The following PCSK5 variants were observed in gnomAD, a reference collection of about 807,000 sequenced individuals.
PCSK5 encodes the protein proprotein convertase subtilisin/kexin type 5, also known as prohormone convertase 5.
In PCSK5, 129 loss-of-function variants were observed where a neutral mutation model predicts 233.2. The observed-to-expected ratio is 0.55, with a 90% CI of 0.48 to 0.64. PCSK5 has a LOEUF of 0.64. PCSK5 is among the 30% of genes least tolerant of loss of function. The pLI is 0.00. For synonymous variants in PCSK5, 825 were observed against 879.2 expected (o/e 0.94, Z 1.09); for missense variants, 2,076 against 2,430.1 (o/e 0.85, Z 3.06).
At chr9:75,901,980 C>T (rs890836477) in intron 1 of PCSK5, among the ~76,000 whole-genome samples, 1 of 152,024 alleles carries the variant, frequency 6.6e-6, no homozygotes, top group Non-Finnish European at 1.5e-5. Context: ...CTTTGGGAGG[C>T]CAAGGCGGGC....
At chr9:76,341,539 C>T (rs1829836280) in intron 35 of PCSK5, among the ~76,000 whole-genome samples, 1 of 152,104 alleles carries the variant, frequency 6.6e-6, no homozygotes, top group African/African-American at 2.4e-5. Flanking sequence ...AGCAATCCTC[C>T]CATCTTGGCC....
intron 9 of PCSK5, among the ~76,000 whole-genome samples, chr9:76,131,812 TTTC>T (rs1302210863): frequency 3.3e-5 from 5 of 152,142 alleles, no homozygotes; most frequent in Non-Finnish European, 7.4e-5. Context: ...ATTGACTTCT[TTTC>T]TTTTTTTCTC....
At chr9:75,955,645 CT>C (rs145901547) in intron 2 of PCSK5, among the ~76,000 whole-genome samples, 19,859 of 146,974 alleles carry the variant, frequency 0.14, 1,365 homozygotes, top group East Asian at 0.27. Context: ...TGTTTCTCAG[CT>C]TTTTTTTTTG....
intron 3 of PCSK5, among the ~76,000 whole-genome samples, chr9:75,990,011 G>A (rs890408420): frequency 1.3e-5 from 2 of 152,120 alleles, no homozygotes; most frequent in Non-Finnish European, 1.5e-5. Flanking sequence ...AATCATAATT[G>A]TTGTTATTCT....
At chr9:75,956,399 A>G (rs765877234) in intron 2 of PCSK5, among the ~76,000 whole-genome samples, 4 of 152,202 alleles carry the variant, frequency 2.6e-5, no homozygotes, top group Admixed American at 6.5e-5. Flanking sequence ...GGGCAGGTCA[A>G]CTACTAAACT....
intron 2 of PCSK5, among the ~76,000 whole-genome samples, chr9:75,934,855 G>T (rs1050563855): frequency 2.0e-5 from 3 of 152,030 alleles, no homozygotes; most frequent in African/African-American, 7.2e-5. Context: ...AAAGTGCTGG[G>T]ATTACAGCTG....
At chr9:76,104,209 C>A (rs1831884144) in intron 8 of PCSK5, among the ~76,000 whole-genome samples, 1 of 152,166 alleles carries the variant, frequency 6.6e-6, no homozygotes, top group Non-Finnish European at 1.5e-5. Context: ...TGCCTTAGAT[C>A]TTTCCAGTAA....
chr9:76,161,868 C>T (rs959803482), intron 12 of PCSK5, among the ~76,000 whole-genome samples: 8 of 152,172 alleles, frequency 5.3e-5, no homozygotes, highest in Non-Finnish European at 1.2e-4. Context: ...CAGGCATTTC[C>T]GACGTGCGGT....
At chr9:76,255,893 G>A (rs1373852263) in intron 24 of PCSK5, among the ~76,000 whole-genome samples, 1 of 152,076 alleles carries the variant, frequency 6.6e-6, no homozygotes, top group Non-Finnish European at 1.5e-5. Flanking sequence ...AATGCCCAGG[G>A]AGCTTATGTC....
intron 2 of PCSK5, among the ~76,000 whole-genome samples, chr9:75,969,559 T>C (rs1825732152): frequency 6.6e-6 from 1 of 152,176 alleles, no homozygotes; most frequent in African/African-American, 2.4e-5. Flanking sequence ...CTACTTTCTT[T>C]ATAAAACTTC....
At chr9:76,192,287 A>G (rs190095289) in intron 20 of PCSK5, among the ~76,000 whole-genome samples, 4 of 152,138 alleles carry the variant, frequency 2.6e-5, no homozygotes, top group Non-Finnish European at 4.4e-5. Flanking sequence ...AAGAAGAATC[A>G]TATCTGCAGT....
At chr9:76,072,263 GC>G (rs1176819788) in intron 7 of PCSK5, among the ~76,000 whole-genome samples, 1 of 152,148 alleles carries the variant, frequency 6.6e-6, no homozygotes, top group African/African-American at 2.4e-5. Context: ...GCATAGTGAT[GC>G]CCCTTGGGGC....
intron 1 of PCSK5, among the ~76,000 whole-genome samples, chr9:75,928,828 G>T (rs1284059558): frequency 6.6e-6 from 1 of 151,616 alleles, no homozygotes; most frequent in Non-Finnish European, 1.5e-5. Flanking sequence ...CATTTTTGCT[G>T]AAATTAGCCT....
intron 3 of PCSK5, among the ~76,000 whole-genome samples, chr9:75,993,048 T>C (rs1826842418): frequency 6.6e-6 from 1 of 152,180 alleles, no homozygotes; most frequent in South Asian, 2.1e-4. Context: ...GTCTCTGCGG[T>C]TGGCACACAT....
intron 20 of PCSK5, among the ~76,000 whole-genome samples, chr9:76,227,277 C>A (rs959589141): frequency 1.3e-5 from 2 of 152,152 alleles, no homozygotes; most frequent in Admixed American, 1.3e-4. Context: ...TATGTCATTG[C>A]CTCATAACTT....
At chr9:76,262,647 A>C (rs1173808865) in intron 24 of PCSK5, among the ~76,000 whole-genome samples, 3 of 151,494 alleles carry the variant, frequency 2.0e-5, no homozygotes, top group African/African-American at 4.9e-5. Context: ...TAAAGACTTA[A>C]ACGTTAGACC....
chr9:76,152,091 A>G (rs562398664), intron 10 of PCSK5, among the ~76,000 whole-genome samples: 4 of 152,336 alleles, frequency 2.6e-5, no homozygotes, highest in South Asian at 4.1e-4. Context: ...ACAAATAGAA[A>G]TGTAGGTGCA....
At chr9:76,139,744 G>A (rs1312340560) in intron 10 of PCSK5, among the ~76,000 whole-genome samples, 2 of 151,908 alleles carry the variant, frequency 1.3e-5, no homozygotes, top group African/African-American at 2.4e-5. Context: ...TGACCATTGT[G>A]TAGATGAGCT....
At chr9:76,220,264 T>C (rs1214857741) in intron 20 of PCSK5, among the ~76,000 whole-genome samples, 1 of 152,132 alleles carries the variant, frequency 6.6e-6, no homozygotes, top group Non-Finnish European at 1.5e-5. Context: ...TGGTGGCTCA[T>C]GCCTGTAATA....
Sources: gnomAD v4.1 joint callset for allele counts (sites outside exome capture counted in the v4.1 genomes callset) on GRCh38, gnomAD v4.1.1 for gene constraint, MANE v1.5 for transcripts, NCBI Gene and HGNC (gene_info 2026-07-23, HGNC 2026-07-21) for gene names.